The following CNTNAP2 variants were observed in gnomAD, a reference collection of about 807,000 sequenced individuals.
The protein encoded by CNTNAP2 is contactin-associated protein-like 2.
In CNTNAP2, 98 loss-of-function variants were observed where a neutral mutation model predicts 155.2. The ratio of observed to expected loss-of-function variants is 0.63; its 90% CI spans 0.54 to 0.75. The LOEUF (loss-of-function observed/expected upper bound fraction) is 0.75, where lower values mean the gene tolerates loss of function less well. Ranked by LOEUF, CNTNAP2 falls within the 30% of genes least tolerant of loss-of-function variation. The pLI, the probability that CNTNAP2 is intolerant of heterozygous loss-of-function variation, is 0.00. For missense variants in CNTNAP2, 1,727 were observed against 1,688.1 expected, an observed-to-expected ratio of 1.02 and a Z score of -0.40; for synonymous variants, 651 against 631.2, an observed-to-expected ratio of 1.03 and a Z score of -0.47.
chr7:146,777,739 A>AT (rs1802414986), intron 2 of CNTNAP2, among the ~76,000 whole-genome samples: 1 of 151,958 alleles, frequency 6.6e-6, no homozygotes, highest in African/African-American at 2.4e-5. Context: ...TGATTTTTGC[A>AT]TTTTTTAATA....
chr7:146,380,326 C>A (rs1795363021), intron 1 of CNTNAP2, among the ~76,000 whole-genome samples: 1 of 152,200 alleles, frequency 6.6e-6, no homozygotes, highest in East Asian at 1.9e-4. Context: ...AGCGTTATAT[C>A]TCATATTTTT....
chr7:146,395,421 A>G (rs1795605618), intron 1 of CNTNAP2, among the ~76,000 whole-genome samples: 1 of 151,510 alleles, frequency 6.6e-6, no homozygotes, highest in Non-Finnish European at 1.5e-5. Context: ...CTGCGTACAC[A>G]TTACATGCTC....
At chr7:146,483,311 A>ATATG (rs1797003329) in intron 1 of CNTNAP2, among the ~76,000 whole-genome samples, 1 of 92,718 alleles carries the variant, frequency 1.1e-5, no homozygotes, top group Non-Finnish European at 2.2e-5. Flanking sequence ...ATATATATAT[A>ATATG]TATATATATA....
intron 9 of CNTNAP2, among the ~76,000 whole-genome samples, chr7:147,349,494 A>G (rs1455113478): frequency 1.3e-5 from 2 of 151,926 alleles, no homozygotes; most frequent in East Asian, 3.8e-4. Context: ...GGTGAATTTC[A>G]TTAATTTTAT....
chr7:147,967,198 AC>A (rs1369965532), intron 14 of CNTNAP2, among the ~76,000 whole-genome samples: 1 of 152,236 alleles, frequency 6.6e-6, no homozygotes, highest in Non-Finnish European at 1.5e-5. Context: ...ATGTAGATGC[AC>A]AAAGTAAAAT....
chr7:147,525,063 C>T (rs144836763), intron 11 of CNTNAP2, among the ~76,000 whole-genome samples: 240 of 152,260 alleles, frequency 1.6e-3, no homozygotes, highest in African/African-American at 5.3e-3. Flanking sequence ...CGGGGGCTGG[C>T]ATTTCTGGCA....
chr7:147,851,472 C>T (rs191443051), intron 13 of CNTNAP2, among the ~76,000 whole-genome samples: 6,000 of 152,076 alleles, frequency 0.039, 173 homozygotes, highest in Middle Eastern at 0.065. Flanking sequence ...CACATGCACA[C>T]GTATGTTTAT....
intron 1 of CNTNAP2, among the ~76,000 whole-genome samples, chr7:146,173,800 T>A (rs1798429037): frequency 1.3e-5 from 2 of 152,184 alleles, no homozygotes; most frequent in South Asian, 4.1e-4. Context: ...TGAAAACAGA[T>A]GATGAGACTC....
intron 21 of CNTNAP2, among the ~76,000 whole-genome samples, chr7:148,353,808 A>T (rs1798468066): frequency 6.6e-6 from 1 of 152,222 alleles, no homozygotes; most frequent in South Asian, 2.1e-4. Flanking sequence ...AAATAAGTAC[A>T]TTTTTGGGGT....
intron 13 of CNTNAP2, among the ~76,000 whole-genome samples, chr7:147,717,742 G>A (rs1796502169): frequency 6.6e-6 from 1 of 152,026 alleles, no homozygotes; most frequent in African/African-American, 2.4e-5. Flanking sequence ...AGCCAGACAT[G>A]GGCAGGGCGG....
intron 12 of CNTNAP2, among the ~76,000 whole-genome samples, chr7:147,598,786 G>C (rs113917949): frequency 6.6e-6 from 1 of 152,070 alleles, no homozygotes; most frequent in East Asian, 1.9e-4. Flanking sequence ...TCATGGGGGC[G>C]GTTACCCTCA....
At chr7:146,244,524 G>A (rs894843556) in intron 1 of CNTNAP2, among the ~76,000 whole-genome samples, 1 of 152,140 alleles carries the variant, frequency 6.6e-6, no homozygotes, top group African/African-American at 2.4e-5. Flanking sequence ...TTCTGAGAAG[G>A]GTAAGTGGTA....
At chr7:147,300,364 A>G (rs911939294) in intron 9 of CNTNAP2, 74 bp downstream of exon 9, 2 of 1,550,604 alleles carry the variant, frequency 1.3e-6, no homozygotes, top group African/African-American at 2.7e-5. Context: ...TTGATTATGA[A>G]GTATTTATAT....
chr7:147,946,303 CT>C (rs1165969283), intron 14 of CNTNAP2, among the ~76,000 whole-genome samples: 4 of 151,382 alleles, frequency 2.6e-5, no homozygotes, highest in Non-Finnish European at 3.0e-5. Context: ...GCCATGTTTA[CT>C]TTTTTTTTGT....
chr7:146,245,268 T>C (rs918232553), intron 1 of CNTNAP2, among the ~76,000 whole-genome samples: 1 of 152,026 alleles, frequency 6.6e-6, no homozygotes, highest in Non-Finnish European at 1.5e-5. Context: ...GGAGGCCAGA[T>C]TGAAGTCCGG....
At chr7:146,449,754 G>A (rs1447377398) in intron 1 of CNTNAP2, among the ~76,000 whole-genome samples, 1 of 152,100 alleles carries the variant, frequency 6.6e-6, no homozygotes, top group Non-Finnish European at 1.5e-5. Flanking sequence ...TATTAAACTG[G>A]TTGATATGCC....
intron 15 of CNTNAP2, among the ~76,000 whole-genome samples, chr7:147,989,677 C>T (rs2116880023): frequency 6.6e-6 from 1 of 152,262 alleles, no homozygotes; most frequent in Non-Finnish European, 1.5e-5. Context: ...AGGTGCTGGC[C>T]ACAATACCTG....
At chr7:146,665,241 G>A (rs550439742) in intron 1 of CNTNAP2, among the ~76,000 whole-genome samples, 3 of 152,176 alleles carry the variant, frequency 2.0e-5, no homozygotes, top group East Asian at 3.9e-4. Context: ...GAGCCACCGC[G>A]CCCGGCGTCT....
chr7:147,757,981 G>T (rs1019515341), intron 13 of CNTNAP2, among the ~76,000 whole-genome samples: 3 of 152,152 alleles, frequency 2.0e-5, no homozygotes, highest in African/African-American at 7.2e-5. Flanking sequence ...TGGAAAGATA[G>T]ATTTGCTTCA....
Sources: gnomAD v4.1 joint callset for allele counts (sites outside exome capture counted in the v4.1 genomes callset) on GRCh38, gnomAD v4.1.1 for gene constraint, MANE v1.5 for transcripts, NCBI Gene and HGNC (gene_info 2026-07-23, HGNC 2026-07-21) for gene names.